Variants in DAB1 observed in about 807,000 individuals in gnomAD.
The protein encoded by DAB1 is DAB adaptor protein 1, also known as disabled homolog 1.
In DAB1, 15 loss-of-function variants were observed where a neutral mutation model predicts 64.6. That is an observed-to-expected ratio of 0.23 (90% CI 0.16 to 0.36). The LOEUF is 0.36. DAB1 is among the 10% of genes least tolerant of loss of function. The pLI is 1.00. For synonymous variants in DAB1, 235 were observed against 251.9 expected (o/e 0.93, Z 0.64); for missense variants, 596 against 706.7 (o/e 0.84, Z 1.78).
chr1:58,094,639 C>T (rs1650876282), intron 5 of DAB1, among the ~76,000 whole-genome samples: 2 of 152,236 alleles, frequency 1.3e-5, no homozygotes, highest in African/African-American at 4.8e-5. Flanking sequence ...GTATATAAAA[C>T]ATTTAGGCCA....
At chr1:57,660,952 G>A (rs1646379392) in intron 6 of DAB1, among the ~76,000 whole-genome samples, 1 of 152,190 alleles carries the variant, frequency 6.6e-6, no homozygotes, top group South Asian at 2.1e-4. Context: ...GTGTCTCAAA[G>A]CGGGCTTCCT....
chr1:58,184,626 C>A (rs548745), intron 4 of DAB1, among the ~76,000 whole-genome samples: 121,024 of 152,022 alleles, frequency 0.8, 48,657 homozygotes, highest in South Asian at 0.87. Context: ...ATCCAGTCTG[C>A]TGCTTCTCCT....
chr1:58,009,138 C>T (rs1039954747), intron 5 of DAB1, among the ~76,000 whole-genome samples: 1 of 152,170 alleles, frequency 6.6e-6, no homozygotes, highest in African/African-American at 2.4e-5. Context: ...CCTAGAACAA[C>T]TCTAAAAGGT....
chr1:57,676,082 T>C (rs1212240172), intron 6 of DAB1, among the ~76,000 whole-genome samples: 3 of 152,116 alleles, frequency 2.0e-5, no homozygotes, highest in Non-Finnish European at 2.9e-5. Context: ...ATTTAAGGAA[T>C]GAAGTGGAGC....
intron 4 of DAB1, among the ~76,000 whole-genome samples, chr1:57,118,315 T>C (rs2100744351): frequency 6.6e-6 from 1 of 152,292 alleles, no homozygotes. Flanking sequence ...GTATAGGCCA[T>C]ACTGCAAAAC....
chr1:57,779,299 T>G (rs998566083), intron 6 of DAB1, among the ~76,000 whole-genome samples: 2 of 152,022 alleles, frequency 1.3e-5, no homozygotes, highest in African/African-American at 4.8e-5. Flanking sequence ...GAGGTGAGAA[T>G]GAGCACATTT....
At chr1:58,303,402 T>G (rs1006391214) in intron 4 of DAB1, among the ~76,000 whole-genome samples, 1 of 152,138 alleles carries the variant, frequency 6.6e-6, no homozygotes, top group African/African-American at 2.4e-5. Context: ...CTGATGGTCC[T>G]TCCCAGACCC....
At chr1:57,087,330 T>A (rs956043253) in intron 4 of DAB1, among the ~76,000 whole-genome samples, 6 of 152,160 alleles carry the variant, frequency 3.9e-5, no homozygotes, top group African/African-American at 7.2e-5. Context: ...GATCACGTAA[T>A]CAGGGCAAGT....
At chr1:58,531,125 G>T (rs372954958) in intron 1 of DAB1, among the ~76,000 whole-genome samples, 1 of 151,962 alleles carries the variant, frequency 6.6e-6, no homozygotes, top group Non-Finnish European at 1.5e-5. Flanking sequence ...AATCAAACCC[G>T]GTCAGTTTTA....
intron 3 of DAB1, among the ~76,000 whole-genome samples, chr1:58,365,884 C>G (rs1307893977): frequency 6.6e-6 from 1 of 152,134 alleles, no homozygotes; most frequent in Non-Finnish European, 1.5e-5. Flanking sequence ...CAACTTGTGA[C>G]AGTTGGTATG....
In DAB1 at chr1:57,392,601, T is replaced by G. The variant is rs564735193; in HGVS notation, c.-137+31329A>C. The stretch of plus-strand genomic sequence containing the variant: ...CAGTTAGAACAAAAAAGGGAAGAAT[T>G]AATTCTGACCAAAAGAGTTTGAGAA... On this transcript the variant is annotated intron_variant, in intron 1 of 14. Transcript: ENST00000371236. 2.0e-5 allele frequency among the ~76,000 whole-genome samples: 3 copies of G among 152,310 alleles called. No individual in the cohort carries two copies. The East Asian group carries it at 5.8e-4, about 29-fold the overall frequency.
intron 5 of DAB1, among the ~76,000 whole-genome samples, chr1:57,947,076 T>C (rs575580334): frequency 5.9e-5 from 9 of 152,280 alleles, no homozygotes; most frequent in African/African-American, 9.6e-5. Flanking sequence ...TTGATTTACA[T>C]AGGTGATCTC....
In DAB1 at chr1:58,228,882, C is replaced by T. The variant is rs145522091; in HGVS notation, n.310-78294G>A. On this transcript the variant is annotated intron_variant and non_coding_transcript_variant, in intron 4 of 20. Transcript: ENST00000485760. ...CAGCAGGACAGAGGCCCAGAGCATC[C>T]GCAGGCAACCTAACAACAGCTGTAG... The T allele has an allele frequency of 1.7e-3, 950 of 559,496 alleles. 5 individuals carry two copies. Among genetic ancestry groups the T allele is most frequent in the African/African-American group, 0.016 (858 of 52,668 alleles). The allele number at this position is 559,496 out of a possible 1,614,324, so 34.7% of individuals were successfully genotyped here.
rs377618159 is a variant in DAB1, at chr1:57,015,255, C to T, written c.1072G>A (p.Ala358Thr). 6.2e-7 allele frequency: 1 copy of T among 1,613,992 alleles called. No individual in the cohort carries two copies. The highest frequency in any genetic ancestry group is 8.5e-7 in the Non-Finnish European group (1 of 1,180,030). The change falls in exon 12 of 15, where the codon GCC (alanine) becomes ACC (threonine). Residue 358 changes from alanine (A) to threonine (T), a missense_variant. By Grantham distance (58) the Ala-to-Thr change is moderately conservative. Around this residue, in one of 3 missense-constraint regions of DAB1, gnomAD observed 377 missense variants for 400.4 expected, o/e 0.94. Transcript: ENST00000371236. The stretch of plus-strand genomic sequence containing the variant: ...AAGGCGGCTGGCGGAAACTGCCCGG[C>T]CACAGTTGGCCAGGGCTGCTGAGTG... The part of the protein sequence containing the change: ...PATQQPWPTV[A>T]GQFPPAAFMP...
Position 57,057,559 on chromosome 1 carries a change from G to A in DAB1, c.723+5325C>T, listed in dbSNP as rs1386382980. On this transcript the variant is annotated intron_variant, in intron 9 of 14. Transcript: ENST00000371236. ...CCAAATCCTTTCTCCAGCCTTCTGT[G>A]ACATGCAAATAGTTACAGGGGTTTT... 2.0e-5 allele frequency among the ~76,000 whole-genome samples: 3 copies of A among 151,252 alleles called. No individual in the cohort carries two copies. The East Asian group carries it at 5.8e-4, about 29-fold the overall frequency.
intron 5 of DAB1, among the ~76,000 whole-genome samples, chr1:58,104,569 G>C (rs976491453): frequency 3.3e-5 from 5 of 152,096 alleles, no homozygotes; most frequent in African/African-American, 1.2e-4. Context: ...CAGGAAGTGA[G>C]ACAGCCGGTT....
At chr1:57,390,518 T>C (rs1336421369) in intron 1 of DAB1, among the ~76,000 whole-genome samples, 2 of 152,356 alleles carry the variant, frequency 1.3e-5, no homozygotes, top group Middle Eastern at 3.4e-3. Context: ...ACCAAACTTC[T>C]GCAAGCAAGT....
intron 4 of DAB1, among the ~76,000 whole-genome samples, chr1:58,311,394 G>C (rs1183402965): frequency 1.2e-5 from 1 of 80,828 alleles, no homozygotes; most frequent in Non-Finnish European, 2.2e-5. Context: ...CATTCCTTGG[G>C]CTCCTAATAA....
At chr1:57,185,370 A>C (rs2100983853) in intron 2 of DAB1, among the ~76,000 whole-genome samples, 1 of 152,296 alleles carries the variant, frequency 6.6e-6, no homozygotes, top group East Asian at 1.9e-4. Flanking sequence ...AGGAGGACAG[A>C]ATTTGCAGAT....
Sources: gnomAD v4.1 joint callset for allele counts (sites outside exome capture counted in the v4.1 genomes callset) on GRCh38, gnomAD v4.1.1 for gene constraint, gnomAD v4.1.1 regional missense constraint, MANE v1.5 for transcripts, NCBI Gene and HGNC (gene_info 2026-07-23, HGNC 2026-07-21) for gene names.